The following NRXN3 variants were observed in gnomAD, a reference collection of about 807,000 sequenced individuals.
NRXN3 encodes the protein neurexin 3.
In NRXN3, 32 loss-of-function variants were observed where a neutral mutation model predicts 137.6. The ratio of observed to expected loss-of-function variants is 0.23; its 90% CI spans 0.18 to 0.31. The LOEUF (loss-of-function observed/expected upper bound fraction) is 0.31. Ranked by LOEUF, NRXN3 falls within the 10% of genes least tolerant of loss-of-function variation. The pLI is 1.00. For synonymous variants in NRXN3, 798 were observed against 784.5 expected, an observed-to-expected ratio of 1.02 and a Z score of -0.29; for missense variants, 1,574 against 2,062.5, an observed-to-expected ratio of 0.76 and a Z score of 4.59.
rs144790913 is a variant in NRXN3, at chr14:79,420,849, GGTA to G, written c.3263-46367_3263-46365del. On this transcript the variant is annotated intron_variant, in intron 15 of 20. Coordinates refer to ENST00000335750, the MANE Select transcript of NRXN3 (RefSeq NM_001330195.2). ...AAGAAATACATTTGAATCTGGGAGT[GGTA>G]GTAGAACTAATAGCAGCAAGGAGAG... Among the ~76,000 whole-genome samples the G allele has an allele frequency of 3.6e-3, 554 of 152,252 alleles. 1 individual carries two copies. Among genetic ancestry groups the G allele is most frequent in the African/African-American group, 0.013 (531 of 41,550 alleles).
intron 20 of NRXN3, among the ~76,000 whole-genome samples, chr14:79,856,618 C>CT (rs34929411): frequency 0.33 from 47,102 of 143,358 alleles, 8,430 homozygotes; most frequent in Admixed American, 0.44. Context: ...TTTTTTTGTT[C>CT]TTTTTTTTTT....
chr14:78,408,512 C>T (rs1208477240), intron 4 of NRXN3, among the ~76,000 whole-genome samples: 1 of 152,196 alleles, frequency 6.6e-6, no homozygotes, highest in African/African-American at 2.4e-5. Context: ...AATTGCCTCC[C>T]TCCTGTCATT....
At chr14:78,980,949 C>T (rs1312249975) in intron 14 of NRXN3, among the ~76,000 whole-genome samples, 1 of 152,116 alleles carries the variant, frequency 6.6e-6, no homozygotes, top group African/African-American at 2.4e-5. Context: ...CATTCCTATA[C>T]AGGAACTTCC....
At chr14:78,177,570 C>T (rs1439707442) in intron 1 of NRXN3, among the ~76,000 whole-genome samples, 3 of 151,990 alleles carry the variant, frequency 2.0e-5, no homozygotes, top group Non-Finnish European at 4.4e-5. Context: ...ATTAGTAACT[C>T]TCAAAAGTGT....
chr14:78,971,014 G>T (rs184845882), intron 14 of NRXN3, among the ~76,000 whole-genome samples: 13 of 152,310 alleles, frequency 8.5e-5, no homozygotes, highest in African/African-American at 3.1e-4. Flanking sequence ...AAATGACTTG[G>T]ATAATTAGCC....
intron 15 of NRXN3, among the ~76,000 whole-genome samples, chr14:79,403,941 A>G (rs183551763): frequency 6.6e-6 from 1 of 152,286 alleles, no homozygotes; most frequent in African/African-American, 2.4e-5. Flanking sequence ...TCTTAACCCA[A>G]ACAACTAGAT....
intron 15 of NRXN3, among the ~76,000 whole-genome samples, chr14:78,997,388 T>C (rs1233191154): frequency 6.6e-6 from 1 of 152,198 alleles, no homozygotes; most frequent in Non-Finnish European, 1.5e-5. Context: ...CTTGGCTAGT[T>C]ACTTACTTAA....
intron 16 of NRXN3, among the ~76,000 whole-genome samples, chr14:79,604,395 C>A (rs2153836949): frequency 6.6e-6 from 1 of 150,548 alleles, no homozygotes; most frequent in East Asian, 2.0e-4. Context: ...CCACCATGCC[C>A]AGCTAATTTT....
At chr14:79,826,000 AT>A (rs34242066) in intron 20 of NRXN3, among the ~76,000 whole-genome samples, 37 of 149,914 alleles carry the variant, frequency 2.5e-4, no homozygotes, top group East Asian at 1.6e-3. Flanking sequence ...TTCCTCAAAG[AT>A]TTTTTTTTTG....
At chr14:78,442,101 GAAA>G (rs56402426) in intron 4 of NRXN3, among the ~76,000 whole-genome samples, 3,605 of 130,132 alleles carry the variant, frequency 0.028, 161 homozygotes, top group African/African-American at 0.091. Flanking sequence ...GTCTCAAAAA[GAAA>G]AAAAAAAAAA....
intron 4 of NRXN3, among the ~76,000 whole-genome samples, chr14:78,450,191 T>C (rs1021080380): frequency 3.3e-5 from 5 of 152,252 alleles, no homozygotes; most frequent in Non-Finnish European, 7.3e-5. Context: ...TCTCTAATAC[T>C]GTTACCCAGT....
At chr14:78,583,742 C>G (rs2097029076) in intron 4 of NRXN3, among the ~76,000 whole-genome samples, 1 of 152,084 alleles carries the variant, frequency 6.6e-6, no homozygotes, top group Admixed American at 6.6e-5. Context: ...ACAGGATCTC[C>G]CAGGGTGTTC....
chr14:78,906,971 A>G lies in NRXN3; in HGVS notation c.2276-50271A>G, dbSNP rs202066128. 1.4e-4 allele frequency among the ~76,000 whole-genome samples: 21 copies of G among 152,166 alleles called. No individual in the cohort carries two copies. In the East Asian group the frequency reaches 3.9e-3, roughly 28 times the overall value. On this transcript the variant is annotated intron_variant, in intron 10 of 20. Coordinates refer to ENST00000335750, the MANE Select transcript of NRXN3 (RefSeq NM_001330195.2). ...CAGAATATGGTAAAATAATTCGCTC[A>G]ATCTGGGCTGAGATACACTCCTTAA... is the stretch of plus-strand genomic sequence containing the variant.
At chr14:79,018,767 A>G (rs958943550) in intron 15 of NRXN3, among the ~76,000 whole-genome samples, 1 of 152,146 alleles carries the variant, frequency 6.6e-6, no homozygotes, top group Non-Finnish European at 1.5e-5. Context: ...TAGTGTCTCA[A>G]TATTTGCCTC....
chr14:79,724,034 C>T (rs774382347), intron 19 of NRXN3, among the ~76,000 whole-genome samples: 8 of 152,090 alleles, frequency 5.3e-5, no homozygotes, highest in South Asian at 2.1e-4. Context: ...TCCAGGTTTA[C>T]GGAAGAAGGA....
chr14:79,309,255 A>G (rs1160156252), intron 15 of NRXN3, among the ~76,000 whole-genome samples: 1 of 22,732 alleles, frequency 4.4e-5, no homozygotes, highest in Non-Finnish European at 8.1e-5. Flanking sequence ...TACAAAGGAC[A>G]TGAACTCATC....
chr14:79,397,432 ATAGAC>A (rs1056514072), intron 15 of NRXN3, among the ~76,000 whole-genome samples: 3 of 152,202 alleles, frequency 2.0e-5, no homozygotes, highest in African/African-American at 7.2e-5. Context: ...GGATGAATAA[ATAGAC>A]TGTAATTGTT....
rs549427727 is a variant in NRXN3 at position 78,261,178 on chromosome 14, C to T, written c.709+17376C>T. On this transcript the variant is annotated intron_variant, in intron 2 of 20. Coordinates refer to ENST00000335750, the MANE Select transcript of NRXN3 (RefSeq NM_001330195.2). ...GGCATTGAATGGGGGCGGGGGGGCTCCTGTGGATATCAGTGACTGAACCTT... is the reference window on the plus strand; with the variant it reads ...GGCATTGAATGGGGGCGGGGGGGCTTCTGTGGATATCAGTGACTGAACCTT... Among the ~76,000 whole-genome samples the T allele has an allele frequency of 2.7e-3, 411 of 152,286 alleles. 1 individual carries two copies. The highest frequency in any genetic ancestry group is 9.3e-3 in the African/African-American group (386 of 41,546).
intron 19 of NRXN3, among the ~76,000 whole-genome samples, chr14:79,764,165 T>TG (rs34360658): frequency 0.078 from 3,733 of 47,902 alleles, 143 homozygotes; most frequent in African/African-American, 0.19. Flanking sequence ...TTTTGGTGGG[T>TG]GGGGGGGGTG....
Sources: allele counts gnomAD v4.1 joint callset (sites outside exome capture counted in the v4.1 genomes callset), GRCh38; gene constraint gnomAD v4.1.1; transcripts MANE v1.5; gene names NCBI Gene and HGNC (gene_info 2026-07-23, HGNC 2026-07-21).